The following TPRG1 variants were observed in gnomAD, a reference collection of about 807,000 sequenced individuals.
TPRG1 encodes the protein tumor protein p63-regulated gene 1 protein.
TPRG1 carries 29 observed loss-of-function variants against 29.3 expected under a neutral mutation model. The observed-to-expected ratio is 0.99, with a 90% CI of 0.74 to 1.35. The LOEUF (loss-of-function observed/expected upper bound fraction) is 1.35, where lower values mean the gene tolerates loss of function less well. Ranked by LOEUF, TPRG1 falls within the 40% of genes most tolerant of loss-of-function variation. TPRG1 has a pLI of 0.00. For missense variants in TPRG1, 327 were observed against 335.0 expected, an observed-to-expected ratio of 0.98 and a Z score of 0.19; for synonymous variants, 130 against 116.8, an observed-to-expected ratio of 1.11 and a Z score of -0.73.
At chr3:189,186,426 A>G (rs918327196) in intron 1 of TPRG1, among the ~76,000 whole-genome samples, 1 of 152,222 alleles carries the variant, frequency 6.6e-6, no homozygotes, top group African/African-American at 2.4e-5. Flanking sequence ...TCCTTGTTGA[A>G]TTAAAACAAA....
Position 189,218,287 on chromosome 3 carries a change from G to GT in TPRG1, c.302+2914dup, listed in dbSNP as rs113693460. On this transcript the variant is annotated intron_variant, in intron 3 of 5. Coordinates refer to ENST00000345063, the MANE Select transcript of TPRG1 (RefSeq NM_198485.4). ...CGCCACCACACCCAGCTAATTTTTT[G>GT]TTTTTTTTTTAGTAGAGATAGGATT... is the stretch of plus-strand genomic sequence containing the variant. Among the ~76,000 whole-genome samples the GT allele has an allele frequency of 2.4e-3, 358 of 146,652 alleles. 2 individuals carry two copies. The highest frequency in any genetic ancestry group is 5.1e-3 in the African/African-American group (202 of 39,538).
chr3:189,143,297 C>T (rs928859827), intron 3 of TPRG1, among the ~76,000 whole-genome samples: 2 of 152,114 alleles, frequency 1.3e-5, no homozygotes, highest in Non-Finnish European at 2.9e-5. Flanking sequence ...TGAGAGCAGT[C>T]AAAGGATTTC....
intron 4 of TPRG1, among the ~76,000 whole-genome samples, chr3:189,048,525 T>G (rs551895053): frequency 6.6e-6 from 1 of 152,324 alleles, no homozygotes; most frequent in East Asian, 1.9e-4. Context: ...CTTTGATGCT[T>G]TGAAGCCAGT....
chr3:189,024,290 C>T (rs957587902), intron 4 of TPRG1, among the ~76,000 whole-genome samples: 4 of 152,114 alleles, frequency 2.6e-5, no homozygotes, highest in African/African-American at 4.8e-5. Flanking sequence ...CTCAACAAAA[C>T]AGGCCAGCTC....
intron 4 of TPRG1, among the ~76,000 whole-genome samples, chr3:189,283,040 C>T (rs183237002): frequency 1.3e-5 from 2 of 152,078 alleles, no homozygotes; most frequent in East Asian, 3.8e-4. Context: ...ATTATCATTA[C>T]CGAGTAAACC....
chr3:189,193,050 A>G (rs1731940326), intron 1 of TPRG1, among the ~76,000 whole-genome samples: 2 of 150,326 alleles, frequency 1.3e-5, no homozygotes, highest in Non-Finnish European at 3.0e-5. Flanking sequence ...TCTGCTGTTT[A>G]GTCTTACAGG....
chr3:189,237,183 C>T (rs1316008354), intron 3 of TPRG1, among the ~76,000 whole-genome samples: 1 of 152,142 alleles, frequency 6.6e-6, no homozygotes, highest in African/African-American at 2.4e-5. Context: ...TATTTATCCA[C>T]TCAATAGATA....
intron 4 of TPRG1, among the ~76,000 whole-genome samples, chr3:189,094,662 G>C (rs1718558801): frequency 6.6e-6 from 1 of 152,122 alleles, no homozygotes; most frequent in Non-Finnish European, 1.5e-5. Flanking sequence ...ACTTCACCCA[G>C]GTGTAATTGA....
At chr3:189,118,525 C>T (rs73053475) in intron 1 of TPRG1, among the ~76,000 whole-genome samples, 73 of 152,212 alleles carry the variant, frequency 4.8e-4, no homozygotes, top group African/African-American at 1.7e-3. Flanking sequence ...ACCTTCACAG[C>T]AGCCCCACCT....
intron 4 of TPRG1, among the ~76,000 whole-genome samples, chr3:189,079,875 G>A (rs971939021): frequency 1.3e-5 from 2 of 152,158 alleles, no homozygotes; most frequent in African/African-American, 2.4e-5. Flanking sequence ...TCGTAACCAA[G>A]TACTACCTGT....
chr3:189,287,608 A>T (rs575102680), intron 4 of TPRG1, among the ~76,000 whole-genome samples: 73 of 151,768 alleles, frequency 4.8e-4, no homozygotes, highest in Non-Finnish European at 8.3e-4. Flanking sequence ...CCTGTTAGCC[A>T]GGATGGTCTC....
chr3:189,070,763 T>C (rs1422167479), intron 4 of TPRG1, among the ~76,000 whole-genome samples: 2 of 152,044 alleles, frequency 1.3e-5, no homozygotes, highest in Non-Finnish European at 2.9e-5. Context: ...GAAAAGGAGA[T>C]ATTCCAACCA....
At chr3:189,172,459 A>G (rs530527019) in intron 1 of TPRG1, among the ~76,000 whole-genome samples, 8 of 152,296 alleles carry the variant, frequency 5.3e-5, no homozygotes, top group Admixed American at 5.2e-4. Flanking sequence ...AAGCTTGGTC[A>G]ATTGAAGTGA....
At chr3:189,007,650 A>G (rs1351930659) in intron 3 of TPRG1, among the ~76,000 whole-genome samples, 3 of 148,150 alleles carry the variant, frequency 2.0e-5, no homozygotes, top group African/African-American at 7.6e-5. Flanking sequence ...ACCAACCCAA[A>G]TGTCCAACAA....
intron 4 of TPRG1, among the ~76,000 whole-genome samples, chr3:189,044,616 TG>T (rs1314656800): frequency 4.0e-5 from 6 of 150,392 alleles, no homozygotes; most frequent in African/African-American, 1.5e-4. Flanking sequence ...TATGTAAGGA[TG>T]GCAAAGAATA....
intron 4 of TPRG1, among the ~76,000 whole-genome samples, chr3:189,302,730 C>T (rs1326439201): frequency 6.6e-6 from 1 of 152,190 alleles, no homozygotes; most frequent in African/African-American, 2.4e-5. Context: ...GATTAGCTTT[C>T]CATTTAAATG....
At chr3:189,083,826 G>GATAAAGTAATTTTA (rs775738788) in intron 4 of TPRG1, among the ~76,000 whole-genome samples, 6 of 152,052 alleles carry the variant, frequency 3.9e-5, no homozygotes, top group African/African-American at 1.4e-4. Flanking sequence ...CTTTATCTCT[G>GATAAAGTAATTTTA]ATCTTCAGCT....
intron 3 of TPRG1, among the ~76,000 whole-genome samples, chr3:189,226,807 A>T (rs1436632645): frequency 6.6e-6 from 1 of 151,420 alleles, no homozygotes; most frequent in Non-Finnish European, 1.5e-5. Context: ...CAAAAAAAAA[A>T]AAAAAGAAAA....
chr3:189,261,917 T>C (rs138140708), intron 4 of TPRG1, among the ~76,000 whole-genome samples: 1,964 of 152,222 alleles, frequency 0.013, 46 homozygotes, highest in African/African-American at 0.045. Context: ...TGGGAAAATA[T>C]GGTGAAAGTT....
Sources: allele counts gnomAD v4.1 joint callset (sites outside exome capture counted in the v4.1 genomes callset), GRCh38; gene constraint gnomAD v4.1.1; transcripts MANE v1.5; gene names NCBI Gene and HGNC (gene_info 2026-07-23, HGNC 2026-07-21).